The following VPS16 variants were observed in gnomAD, a reference collection of about 807,000 sequenced individuals.
VPS16 encodes VPS16 core subunit of CORVET and HOPS complexes.
In VPS16, 82 loss-of-function variants were observed where a neutral mutation model predicts 116.0. The observed-to-expected ratio is 0.71, with a 90% CI of 0.59 to 0.85. The LOEUF is 0.85. Among genes scored for constraint, VPS16 ranks in the 40% least tolerant of loss-of-function variants. The pLI, the probability that VPS16 is intolerant of heterozygous loss-of-function variation, is 0.00. For synonymous variants in VPS16, 406 were observed against 420.7 expected (o/e 0.96, Z 0.43); for missense variants, 928 against 1,090.6 (o/e 0.85, Z 2.10).
intron 1 of VPS16, among the ~76,000 whole-genome samples, chr20:2,859,024 C>T (rs983780763): frequency 2.0e-5 from 3 of 152,162 alleles, no homozygotes; most frequent in Admixed American, 2.0e-4. Context: ...ATAGGCCAGG[C>T]ACTGCAGGTC....
chr20:2,853,920 GCCTCAGCCT>G (rs2089146462), intron 1 of VPS16, among the ~76,000 whole-genome samples: 1 of 151,944 alleles, frequency 6.6e-6, no homozygotes, highest in East Asian at 1.9e-4. Context: ...CGATCTGCCT[GCCTCAGCCT>G]CCCAAAATGC....
Position 2,864,384 on chromosome 20 carries a change from C to T in VPS16, c.1740C>T (p.His580=). Residue 580 remains histidine (H), a synonymous_variant, in exon 18 of 24, where the codon CAC becomes CAT. Transcript: ENST00000380445. This position sits in a 1 kb window ranked among gnomAD's most constrained non-coding sequence, Gnocchi z 5.2. ...CTGCAGTGTTCACGGTGTTGCTGCA[C>T]CTGAAGAACGAGCTGAACCGAGGAG... The part of the protein sequence containing the change: ...DTDLVFTVLL[H]LKNELNRGDF... The T allele has an allele frequency of 1.9e-6, 3 of 1,614,142 alleles. No homozygotes were observed. Among genetic ancestry groups the T allele is most frequent in the Non-Finnish European group, 2.5e-6 (3 of 1,180,026 alleles).
Position 2,864,927 on chromosome 20 carries a change from G to T in VPS16, c.1927-51G>T, listed in dbSNP as rs1437800612. On this transcript the variant is annotated intron_variant, in intron 19 of 23. Transcript: ENST00000380445. This position sits in a 1 kb window ranked among gnomAD's most constrained non-coding sequence, Gnocchi z 5.2. ...AGAAGACTGTAGCCTGGGTGAGGAGGGCGAGGGTCCTGCATGCTGTGAGTT... is the reference window on the plus strand; with the variant it reads ...AGAAGACTGTAGCCTGGGTGAGGAGTGCGAGGGTCCTGCATGCTGTGAGTT... 1 of 1,610,818 alleles carries T rather than the reference G, an allele frequency of 6.2e-7. No homozygotes were observed. The highest frequency in any genetic ancestry group is 2.2e-5 in the East Asian group (1 of 44,870).
At chr20:2,866,045 T>G in intron 22 of VPS16, 167 bp from the exon 23 acceptor site, 4 of 642,152 alleles carry the variant, frequency 6.2e-6, no homozygotes, top group Non-Finnish European at 2.7e-6. Context: ...CTAAGAATGT[T>G]GAGATCACAA....
intron 1 of VPS16, among the ~76,000 whole-genome samples, chr20:2,847,105 GTCC>G (rs1464589242): frequency 6.6e-6 from 1 of 152,160 alleles, no homozygotes; most frequent in African/African-American, 2.4e-5. Context: ...TCACCTCACT[GTCC>G]TCTAGAAGCC....
chr20:2,863,450 T>G lies in VPS16; in HGVS notation c.1476+52T>G. The G allele has an allele frequency of 1.3e-6, 2 of 1,570,062 alleles. No homozygotes were observed. Among genetic ancestry groups the G allele is most frequent in the Non-Finnish European group, 1.8e-6 (2 of 1,141,266 alleles). ...GCATTTAGAGGATTCCAGGCCCTGG[T>G]GAGGTGGAGGAAATAGAAAGTGTAG... On this transcript the variant is annotated intron_variant, in intron 15 of 23. Transcript: ENST00000380445. The surrounding 1 kb of genome is among the most constrained non-coding windows in gnomAD (Gnocchi z 4.4).
At chr20:2,854,452 C>CAA (rs1014327806) in intron 1 of VPS16, among the ~76,000 whole-genome samples, 1 of 149,770 alleles carries the variant, frequency 6.7e-6, no homozygotes, top group Non-Finnish European at 1.5e-5. Flanking sequence ...CAAAACAAAA[C>CAA]AAAAAAAACG....
At chr20:2,856,729 A>G (rs1228468812) in intron 1 of VPS16, among the ~76,000 whole-genome samples, 1 of 152,180 alleles carries the variant, frequency 6.6e-6, no homozygotes, top group South Asian at 2.1e-4. Flanking sequence ...TCAAGTATCA[A>G]TTTCCACCAA....
In VPS16 at chr20:2,866,692, T is replaced by C. The variant is rs2089354966; in HGVS notation, c.*118T>C. On this transcript the variant is annotated 3_prime_UTR_variant, in exon 24 of 24. Coordinates refer to ENST00000380445, the MANE Select transcript of VPS16 (RefSeq NM_022575.4). ...GCAATGCTGAGGAGCGGGGGCATGG[T>C]AGCAGGGCTGTCTGGTTTTAAATAA... 6.9e-7 allele frequency: 1 copy of C among 1,441,344 alleles called. No homozygotes were observed. Among genetic ancestry groups the C allele is most frequent in the Admixed American group, 2.1e-5 (1 of 46,534 alleles). 89.3% of individuals were successfully genotyped at this position (1,441,344 alleles called of 1,614,324 possible).
At position 2,861,667 on chromosome 20, in the gene VPS16, C is replaced by T. The variant is rs779438099; in HGVS notation, c.862C>T (p.Arg288Trp). ...GGCCGTGGTGGTGGCCTGGGAAAGG[C>T]GGCTGATGGTGGTGGGCGATGCACC... is the stretch of plus-strand genomic sequence containing the variant. ...ERAVVVAWER[R>W]LMVVGDAPES... Residue 288 changes from arginine to tryptophan, a missense_variant, in exon 9 of 24, where the codon CGG becomes TGG. Coordinates refer to ENST00000380445, the MANE Select transcript of VPS16 (RefSeq NM_022575.4). The T allele has an allele frequency of 6.6e-5, 107 of 1,613,042 alleles. No homozygotes were observed. The highest frequency in any genetic ancestry group is 8.9e-5 in the Non-Finnish European group (105 of 1,179,870).
chr20:2,866,292 G>A lies in VPS16; in HGVS notation c.2352G>A (p.Lys784=). 1 of 1,614,126 alleles carries A rather than the reference G, an allele frequency of 6.2e-7. No individual in the cohort carries two copies. Among genetic ancestry groups the A allele is most frequent in the South Asian group, 1.1e-5 (1 of 91,070 alleles). The change falls in exon 23 of 24, where the codon AAG becomes AAA. Residue 784 remains lysine (K), a synonymous_variant. Coordinates refer to ENST00000380445, the MANE Select transcript of VPS16 (RefSeq NM_022575.4). ...CTTCCCGCGTGGGTCCCGAGCAGAA[G>A]GTCAAGGCTTTGCTTCTTGTTGGGT... ...KYASRVGPEQ[K]VKALLLVGDV... is the part of the protein sequence containing the mutation.
chr20:2,853,919 T>G (rs1360121497), intron 1 of VPS16, among the ~76,000 whole-genome samples: 2 of 151,912 alleles, frequency 1.3e-5, no homozygotes, highest in African/African-American at 4.8e-5. Flanking sequence ...GCGATCTGCC[T>G]GCCTCAGCCT....
At position 2,865,165 on chromosome 20, in the gene VPS16, G is replaced by A. The variant is rs762272920; in HGVS notation, c.2022G>A (p.Met674Ile). The change falls in exon 21 of 24, where the codon ATG (methionine) becomes ATA (isoleucine). Residue 674 changes from methionine (M) to isoleucine (I), a missense_variant. Coordinates refer to ENST00000380445, the MANE Select transcript of VPS16 (RefSeq NM_022575.4). The surrounding 1 kb of genome is among the most constrained non-coding windows in gnomAD (Gnocchi z 5.2). The stretch of plus-strand genomic sequence containing the variant: ...GTCCCCAGGCTACAGAGGATCAAAT[G>A]CGGCTCCTACGGCTGCAGCGGCGCC... The part of the protein sequence containing the change: ...EFAAKATEDQ[M>I]RLLRLQRRLE... The A allele has an allele frequency of 6.2e-7, 1 of 1,614,150 alleles. No individual in the cohort carries two copies. Among genetic ancestry groups the A allele is most frequent in the East Asian group, 2.2e-5 (1 of 44,876 alleles).
chr20:2,865,131 AT>A lies in VPS16; in HGVS notation c.2005-15del. 1 of 1,614,020 alleles carries A rather than the reference AT, an allele frequency of 6.2e-7. No individual in the cohort carries two copies. Among genetic ancestry groups the A allele is most frequent in the Non-Finnish European group, 8.5e-7 (1 of 1,179,970 alleles). On this transcript the variant is annotated splice_polypyrimidine_tract_variant and intron_variant, in intron 20 of 23. Coordinates refer to ENST00000380445, the MANE Select transcript of VPS16 (RefSeq NM_022575.4). The surrounding 1 kb of genome is among the most constrained non-coding windows in gnomAD (Gnocchi z 5.2). ...TGGTCCCTCATCCCCATCATGCCTC[AT>A]TATCCGGGTCCCCAGGCTACAGAGG...
chr20:2,851,221 G>A (rs968375063), intron 1 of VPS16, among the ~76,000 whole-genome samples: 1 of 152,206 alleles, frequency 6.6e-6, no homozygotes, highest in Non-Finnish European at 1.5e-5. Flanking sequence ...ATGTAAAGAC[G>A]TAGGCAAGCT....
intron 9 of VPS16, 36 bp from the exon 10 acceptor site, chr20:2,861,769 T>C: frequency 1.2e-6 from 2 of 1,612,598 alleles, no homozygotes; most frequent in Non-Finnish European, 1.7e-6. Context: ...CCCCGTCCCA[T>C]CTGTAGGTGC....
Position 2,862,931 on chromosome 20 carries a change from G to A in VPS16, c.1328G>A (p.Ser443Asn). The change falls in exon 13 of 24, where the codon AGC becomes AAC. Residue 443 changes from serine to asparagine, a missense_variant. Transcript: ENST00000380445. ...CACATCGGGATCCCGCTCACCTATA[G>A]CCAGTATCCCTGTGCACGCCAGAAG... is the stretch of plus-strand genomic sequence containing the variant. ...DYHIGIPLTYSQYKQLTIQVL... is the reference protein window; with the variant it reads ...DYHIGIPLTYNQYKQLTIQVL... The A allele has an allele frequency of 6.2e-7, 1 of 1,613,972 alleles. No homozygotes were observed. The highest frequency in any genetic ancestry group is 8.5e-7 in the Non-Finnish European group (1 of 1,179,932).
At position 2,842,835 on chromosome 20, in the gene VPS16, T is replaced by TACATCTATCTATC. The variant is rs1568620970; in HGVS notation, c.53+2008_53+2009insACATCTATCTATC. ...ATCTATCTATAGATAGACATATAGA[T>TACATCTATCTATC]GTATCTATCGATAGATAGATGTATC... On this transcript the variant is annotated intron_variant, in intron 1 of 23. Transcript: ENST00000380445. 4.7e-5 allele frequency among the ~76,000 whole-genome samples: 7 copies of TACATCTATCTATC among 148,056 alleles called. 2 individuals are homozygous for TACATCTATCTATC. Among genetic ancestry groups the TACATCTATCTATC allele is most frequent in the African/African-American group, 1.3e-4 (5 of 39,578 alleles).
chr20:2,846,323 G>T (rs1445210403), intron 1 of VPS16, among the ~76,000 whole-genome samples: 1 of 151,876 alleles, frequency 6.6e-6, no homozygotes, highest in Non-Finnish European at 1.5e-5. Flanking sequence ...CACCATGTTG[G>T]CCAGGCTGCT....
Sources: allele counts gnomAD v4.1 joint callset (sites outside exome capture counted in the v4.1 genomes callset), GRCh38; gene constraint gnomAD v4.1.1; non-coding constraint Gnocchi (gnomAD v3.1); transcripts MANE v1.5; gene names NCBI Gene and HGNC (gene_info 2026-07-23, HGNC 2026-07-21).